The following UBE4B variants were observed in gnomAD, a reference collection of about 807,000 sequenced individuals.
The protein encoded by UBE4B is ubiquitination factor E4B, also known as ubiquitin conjugation factor E4 B.
UBE4B carries 27 observed loss-of-function variants against 148.1 expected under a neutral mutation model. That is an observed-to-expected ratio of 0.18 (90% CI 0.13 to 0.25). The LOEUF (loss-of-function observed/expected upper bound fraction) is 0.25, where lower values mean the gene tolerates loss of function less well. Among genes scored for constraint, UBE4B ranks in the 10% least tolerant of loss-of-function variants. The probability of loss-of-function intolerance (pLI) is 1.00; values close to 1 mark genes in which losing one functional copy is unlikely to be tolerated. For synonymous variants in UBE4B, 596 were observed against 619.3 expected (o/e 0.96, Z 0.56); for missense variants, 1,170 against 1,662.4 (o/e 0.70, Z 5.15).
intron 7 of UBE4B, among the ~76,000 whole-genome samples, chr1:10,112,671 ATAT>A (rs1645241239): frequency 6.6e-6 from 1 of 152,292 alleles, no homozygotes; most frequent in Non-Finnish European, 1.5e-5. Context: ...AAGTGTAGAA[ATAT>A]TTCTCCATAG....
At chr1:10,175,523 C>T (rs1342442425) in intron 25 of UBE4B, among the ~76,000 whole-genome samples, 44 of 151,760 alleles carry the variant, frequency 2.9e-4, no homozygotes, top group African/African-American at 6.8e-4. Context: ...TGGTGGCGGG[C>T]GCCCGTAGAC....
At position 10,099,027 on chromosome 1, in the gene UBE4B, T is replaced by C. The variant is rs532139066; in HGVS notation, c.348-2081T>C. ...GCCGAAGCAGACAGATCACTTGAGG[T>C]CAGGAGTTCGAGACAAGCCTAGCCA... is the stretch of plus-strand genomic sequence containing the variant. On this transcript the variant is annotated intron_variant, in intron 3 of 27. Coordinates refer to ENST00000343090, the MANE Select transcript of UBE4B (RefSeq NM_001105562.3). Among the ~76,000 whole-genome samples the C allele has an allele frequency of 1.9e-3, 285 of 152,216 alleles. 1 individual carries two copies. Among genetic ancestry groups the C allele is most frequent in the Middle Eastern group, 3.4e-3 (1 of 294 alleles).
intron 14 of UBE4B, among the ~76,000 whole-genome samples, chr1:10,131,769 G>A (rs150299536): frequency 0.016 from 2,499 of 152,154 alleles, 30 homozygotes; most frequent in Non-Finnish European, 0.026. Flanking sequence ...TGACCAACAT[G>A]GTGAAACCCC....
In UBE4B at chr1:10,093,975, G is replaced by A. The variant is rs373684701; in HGVS notation, c.212-1486G>A. ...CCCTCAAAGTGCTGAGATTACAGGC[G>A]TGAGCCATCGTGCCCAGCCAATGGT... On this transcript the variant is annotated intron_variant, in intron 2 of 27. Coordinates refer to ENST00000343090, the MANE Select transcript of UBE4B (RefSeq NM_001105562.3). 3.9e-5 allele frequency among the ~76,000 whole-genome samples: 6 copies of A among 152,206 alleles called. 1 individual carries two copies. The East Asian group carries it at 7.7e-4, about 20-fold the overall frequency.
intron 3 of UBE4B, among the ~76,000 whole-genome samples, chr1:10,100,351 A>C (rs891613235): frequency 2.0e-5 from 3 of 151,830 alleles, no homozygotes; most frequent in Non-Finnish European, 4.4e-5. Flanking sequence ...GAGTCTTGCT[A>C]TGCTGCCCAG....
In UBE4B at chr1:10,167,472, A is replaced by AATG. The variant is rs567970118; in HGVS notation, c.3199-662_3199-660dup. 3.7e-3 allele frequency among the ~76,000 whole-genome samples: 548 copies of AATG among 148,532 alleles called. 4 individuals carry two copies. The highest frequency in any genetic ancestry group is 0.014 in the African/African-American group (533 of 39,468). On this transcript the variant is annotated intron_variant, in intron 23 of 27. Transcript: ENST00000343090. ...TAATAATAATAATAATAATAATAAT[A>AATG]ATGACTAAGTAAAAGTTATTATTAA...
chr1:10,106,518 AC>A lies in UBE4B; in HGVS notation c.1135del (p.Leu379TyrfsTer16). ...SRQRPSSTGP[P>X]LPPASPSATS... ...GACAGAGGCCCAGCAGCACGGGTCCACCCCTACCACCCGCCTCACCCAGTGC... is the reference window on the plus strand; with the variant it reads ...GACAGAGGCCCAGCAGCACGGGTCCACCCTACCACCCGCCTCACCCAGTGC... On this transcript the variant is annotated frameshift_variant, in exon 7 of 28. Coordinates refer to ENST00000343090, the MANE Select transcript of UBE4B (RefSeq NM_001105562.3). LOFTEE classifies it high-confidence loss of function. The surrounding 1 kb of genome is among the most constrained non-coding windows in gnomAD (Gnocchi z 4.2). 6.2e-7 allele frequency: 1 copy of A among 1,606,956 alleles called. No homozygotes were observed. The highest frequency in any genetic ancestry group is 8.5e-7 in the Non-Finnish European group (1 of 1,177,660).
intron 7 of UBE4B, among the ~76,000 whole-genome samples, chr1:10,107,056 ATGTACCTGTATG>A (rs1645124639): frequency 6.6e-6 from 1 of 152,120 alleles, no homozygotes; most frequent in Non-Finnish European, 1.5e-5. Flanking sequence ...CTTCTCTCAA[ATGTACCTGTATG>A]TGTTTCTATA....
At position 10,103,062 on chromosome 1, in the gene UBE4B, T is replaced by G. The variant is rs183958340; in HGVS notation, c.550T>G (p.Ser184Ala). Reference sequence around the variant, plus strand: ...AGATGTCATCTTTCTTTCTTCTCTTTCTGCACAGTTTAAGCAGAACCCAAA... The same window carrying G: ...AGATGTCATCTTTCTTTCTTCTCTTGCTGCACAGTTTAAGCAGAACCCAAA... ...DRDVIFLSSL[S>A]AQFKQNPKEV... Residue 184 changes from serine to alanine, a missense_variant, in exon 5 of 28, where the codon TCT becomes GCT. Around this residue, in one of 6 missense-constraint regions of UBE4B, gnomAD observed 91 missense variants for 120.5 expected, o/e 0.76. Coordinates refer to ENST00000343090, the MANE Select transcript of UBE4B (RefSeq NM_001105562.3). The G allele has an allele frequency of 1.1e-4, 177 of 1,612,438 alleles. No homozygotes were observed. The East Asian group carries it at 2.4e-3, about 22-fold the overall frequency.
At chr1:10,086,041 C>A (rs973286276) in intron 2 of UBE4B, among the ~76,000 whole-genome samples, 2 of 151,788 alleles carry the variant, frequency 1.3e-5, no homozygotes, top group Non-Finnish European at 2.9e-5. Context: ...GCACAATCTC[C>A]GCTTACTGCA....
intron 1 of UBE4B, among the ~76,000 whole-genome samples, chr1:10,040,818 C>A (rs1178198669): frequency 6.6e-6 from 1 of 151,984 alleles, no homozygotes; most frequent in African/African-American, 2.4e-5. Context: ...CGGGATTTCT[C>A]CATGTTGGCT....
chr1:10,091,035 G>T (rs1644839894), intron 2 of UBE4B, among the ~76,000 whole-genome samples: 1 of 152,120 alleles, frequency 6.6e-6, no homozygotes, highest in African/African-American at 2.4e-5. Flanking sequence ...ATAGAAGTTG[G>T]ATACTGCCGC....
chr1:10,152,112 T>A (rs563627824), intron 21 of UBE4B, among the ~76,000 whole-genome samples: 1 of 150,724 alleles, frequency 6.6e-6, no homozygotes, highest in African/African-American at 2.4e-5. Flanking sequence ...GAAAAAAAAA[T>A]TAAATTAGCC....
chr1:10,144,904 G>A lies in UBE4B; in HGVS notation c.2364-36G>A, dbSNP rs779598640. ...ATGAATGGGTAAGATGGATCCGGCT[G>A]TTTTCTTTCATTTGACTGTTAGTCT... On this transcript the variant is annotated intron_variant, in intron 17 of 27. Coordinates refer to ENST00000343090, the MANE Select transcript of UBE4B (RefSeq NM_001105562.3). The A allele has an allele frequency of 1.9e-5, 29 of 1,531,224 alleles. No homozygotes were observed. The East Asian group carries it at 5.3e-4, about 28-fold the overall frequency. 94.9% of individuals were successfully genotyped at this position (1,531,224 alleles called of 1,614,324 possible). A position where few individuals can be genotyped will look rare whatever the true frequency, so the allele number is the denominator to read the frequency against.
chr1:10,073,393 T>C (rs150736740), intron 2 of UBE4B, among the ~76,000 whole-genome samples: 180 of 152,298 alleles, frequency 1.2e-3, no homozygotes, highest in Non-Finnish European at 2.0e-3. Context: ...TTTGAACTAA[T>C]TGAAAACTTT....
intron 2 of UBE4B, among the ~76,000 whole-genome samples, chr1:10,076,247 C>CTTTTT (rs369214323): frequency 6.1e-5 from 8 of 131,642 alleles, no homozygotes; most frequent in South Asian, 2.5e-4. Context: ...TTCTTTCTTT[C>CTTTTT]TTTTTTTTTT....
rs994523471 is a variant in UBE4B, at chr1:10,168,829, T to C, written c.3333+559T>C. Among the ~76,000 whole-genome samples, 5 of 146,510 alleles carry C rather than the reference T, an allele frequency of 3.4e-5. No homozygotes were observed. Among genetic ancestry groups the C allele is most frequent in the Non-Finnish European group, 5.9e-5 (4 of 67,344 alleles). On this transcript the variant is annotated intron_variant, in intron 24 of 27. Coordinates refer to ENST00000343090, the MANE Select transcript of UBE4B (RefSeq NM_001105562.3). The surrounding 1 kb of genome is among the most constrained non-coding windows in gnomAD (Gnocchi z 4.9). The stretch of plus-strand genomic sequence containing the variant: ...ATGGCGTGAACCCGGGAGGCAGAGC[T>C]GGCAGTGAGCCGAGATGGTGCCACT...
chr1:10,082,739 A>G (rs1228658891), intron 2 of UBE4B, among the ~76,000 whole-genome samples: 4 of 145,834 alleles, frequency 2.7e-5, no homozygotes, highest in East Asian at 2.0e-4. Flanking sequence ...TGCTGCACCT[A>G]TCAACTCATC....
chr1:10,034,255 G>A (rs11803995), intron 1 of UBE4B, among the ~76,000 whole-genome samples: 12,975 of 152,086 alleles, frequency 0.085, 1,155 homozygotes, highest in African/African-American at 0.23. Flanking sequence ...GTTATATTCT[G>A]GTACTTAATA....
Sources: allele counts gnomAD v4.1 joint callset (sites outside exome capture counted in the v4.1 genomes callset), GRCh38; gene constraint gnomAD v4.1.1; regional missense constraint gnomAD v4.1.1; non-coding constraint Gnocchi (gnomAD v3.1); transcripts MANE v1.5; gene names NCBI Gene and HGNC (gene_info 2026-07-23, HGNC 2026-07-21).